SP100: variants seen among roughly 807,000 people sequenced by gnomAD.
The protein encoded by SP100 is nuclear autoantigen Sp-100.
A neutral mutation model predicts 130.0 loss-of-function variants in SP100; 84 were observed. The observed-to-expected ratio is 0.65, with a 90% CI of 0.54 to 0.77. SP100 has a LOEUF of 0.77. SP100 is among the 30% of genes least tolerant of loss of function. The pLI, the probability that SP100 is intolerant of heterozygous loss-of-function variation, is 0.00. For missense variants in SP100, 978 were observed against 1,052.2 expected (o/e 0.93, Z 0.97); for synonymous variants, 331 against 351.7 (o/e 0.94, Z 0.66).
Position 230,440,070 on chromosome 2 carries a change from A to G in SP100, c.108-2867A>G, listed in dbSNP as rs573106844. Among the ~76,000 whole-genome samples, 12 of 152,216 alleles carry G rather than the reference A, an allele frequency of 7.9e-5. No individual in the cohort carries two copies. The East Asian group carries it at 1.9e-3, about 24-fold the overall frequency. On this transcript the variant is annotated intron_variant, in intron 2 of 28. Transcript: ENST00000340126. Reference sequence around the variant, plus strand: ...AAAGGTATAGCAAACATCACACTTAATGGTGCTGCTAAGTGCTTCTTCCTT... The same window carrying G: ...AAAGGTATAGCAAACATCACACTTAGTGGTGCTGCTAAGTGCTTCTTCCTT...
At chr2:230,417,882 C>A (rs2062657480) in intron 2 of SP100, among the ~76,000 whole-genome samples, 1 of 152,004 alleles carries the variant, frequency 6.6e-6, no homozygotes, top group Admixed American at 6.5e-5. Context: ...CTTTTCTTGT[C>A]CATTACCTTT....
At chr2:230,451,356 T>C (rs1403187732) in intron 8 of SP100, among the ~76,000 whole-genome samples, 1 of 152,210 alleles carries the variant, frequency 6.6e-6, no homozygotes, top group Admixed American at 6.5e-5. Flanking sequence ...GTGATGTTCA[T>C]TGTGGTTTTA....
At chr2:230,527,276 C>G (rs1691475352) in intron 24 of SP100, among the ~76,000 whole-genome samples, 1 of 152,130 alleles carries the variant, frequency 6.6e-6, no homozygotes, top group African/African-American at 2.4e-5. Flanking sequence ...ATATTCAACA[C>G]TCATAAAGAA....
chr2:230,461,455 T>C, intron 9 of SP100, 41 bp downstream of exon 9: 1 of 1,606,934 alleles, frequency 6.2e-7, no homozygotes, highest in Non-Finnish European at 8.5e-7. Flanking sequence ...GAGTCACAGG[T>C]TACCAGGTAA....
intron 24 of SP100, among the ~76,000 whole-genome samples, chr2:230,514,678 A>G (rs1690801050): frequency 6.6e-6 from 1 of 152,190 alleles, no homozygotes; most frequent in Admixed American, 6.5e-5. Context: ...AGGAATAGTG[A>G]TTGTCCATAT....
chr2:230,505,759 A>G (rs1304972765), intron 21 of SP100, among the ~76,000 whole-genome samples: 1 of 152,210 alleles, frequency 6.6e-6, no homozygotes, highest in African/African-American at 2.4e-5. Context: ...TAACATTTCC[A>G]TAATTACTTT....
intron 5 of SP100, among the ~76,000 whole-genome samples, chr2:230,447,895 A>G (rs1331386107): frequency 6.6e-6 from 1 of 152,172 alleles, no homozygotes; most frequent in Non-Finnish European, 1.5e-5. Flanking sequence ...CACCCCTCTA[A>G]TCTCATGTTC....
chr2:230,439,550 TTTGTTGTTGTTG>T (rs147214851), intron 2 of SP100, among the ~76,000 whole-genome samples: 1 of 151,446 alleles, frequency 6.6e-6, no homozygotes, highest in East Asian at 1.9e-4. Context: ...TTTTTGGATT[TTTGTTGTTGTTG>T]TTGTTGTTGT....
At position 230,517,002 on chromosome 2, in the gene SP100, G is replaced by T. The variant is rs536822089; in HGVS notation, c.2094+5836G>T. On this transcript the variant is annotated intron_variant, in intron 24 of 28. Transcript: ENST00000340126. ...TTAATCAAAATTATGACTGATAACA[G>T]ATTTTTATAAATTTATATAATTTGG... Among the ~76,000 whole-genome samples, 4 of 152,060 alleles carry T rather than the reference G, an allele frequency of 2.6e-5. No homozygotes were observed. The East Asian group carries it at 7.7e-4, about 29-fold the overall frequency.
In SP100 at chr2:230,447,991, G is replaced by T. The variant is rs552354662; in HGVS notation, c.523+1089G>T. Among the ~76,000 whole-genome samples, 5 of 152,326 alleles carry T rather than the reference G, an allele frequency of 3.3e-5. No individual in the cohort carries two copies. The East Asian group carries it at 9.7e-4, about 29-fold the overall frequency. On this transcript the variant is annotated intron_variant, in intron 5 of 28. Coordinates refer to ENST00000340126, the MANE Select transcript of SP100 (RefSeq NM_001080391.2). ...TAAACCCAGGTGTGGTCGAAAAGGG[G>T]TTGTTATGAATAACAGAAAGTGCTC...
At chr2:230,438,490 A>G (rs763167068) in intron 2 of SP100, among the ~76,000 whole-genome samples, 1 of 151,872 alleles carries the variant, frequency 6.6e-6, no homozygotes, top group Non-Finnish European at 1.5e-5. Context: ...GCATTCTCAT[A>G]GCTTAACTCC....
intron 2 of SP100, among the ~76,000 whole-genome samples, chr2:230,438,646 T>TACAC (rs781338684): frequency 2.4e-4 from 24 of 99,022 alleles, no homozygotes; most frequent in East Asian, 6.4e-4. Flanking sequence ...GGTGTATATA[T>TACAC]ATACACACAC....
intron 24 of SP100, chr2:230,515,410 G>T: frequency 6.2e-7 from 1 of 1,613,876 alleles, no homozygotes; most frequent in African/African-American, 1.3e-5. Context: ...GAAGAAACTG[G>T]CAGGGATGTG....
intron 17 of SP100, among the ~76,000 whole-genome samples, chr2:230,493,530 G>T (rs1225266857): frequency 2.6e-5 from 4 of 152,030 alleles, no homozygotes; most frequent in Non-Finnish European, 5.9e-5. Flanking sequence ...TTTCTAATTT[G>T]TTTAATCATT....
chr2:230,495,350 T>C (rs968317923), intron 18 of SP100, among the ~76,000 whole-genome samples: 12 of 152,156 alleles, frequency 7.9e-5, no homozygotes, highest in Admixed American at 6.5e-4. Flanking sequence ...TGAGATGGAG[T>C]CTGGCTCTGT....
At chr2:230,527,734 C>T (rs1447083444) in intron 24 of SP100, among the ~76,000 whole-genome samples, 3 of 151,904 alleles carry the variant, frequency 2.0e-5, no homozygotes, top group Admixed American at 6.6e-5. Context: ...GGAAGATCTA[C>T]GAAGCAAATG....
At chr2:230,542,736 C>T in intron 28 of SP100, 100 bp from the exon 29 acceptor site, 1 of 635,056 alleles carries the variant, frequency 1.6e-6, no homozygotes, top group Non-Finnish European at 2.8e-6. Context: ...TCTCACTTAA[C>T]ATTTGGGATA....
chr2:230,527,116 G>A (rs556403751), intron 24 of SP100, among the ~76,000 whole-genome samples: 4 of 152,166 alleles, frequency 2.6e-5, no homozygotes, highest in East Asian at 3.9e-4. Flanking sequence ...CAGAAGACAC[G>A]TAAATGTCAG....
chr2:230,443,966 G>T (rs570858606), intron 3 of SP100, among the ~76,000 whole-genome samples: 1 of 152,184 alleles, frequency 6.6e-6, no homozygotes, highest in Non-Finnish European at 1.5e-5. Flanking sequence ...GTAAATGAGG[G>T]TGAAGCAATC....
Sources: gnomAD v4.1 joint callset for allele counts (sites outside exome capture counted in the v4.1 genomes callset) on GRCh38, gnomAD v4.1.1 for gene constraint, MANE v1.5 for transcripts, NCBI Gene and HGNC (gene_info 2026-07-23, HGNC 2026-07-21) for gene names.